The following CRTC1 variants were observed in gnomAD, a reference collection of about 807,000 sequenced individuals.
CRTC1 encodes the protein CREB-regulated transcription coactivator 1.
A neutral mutation model predicts 66.1 loss-of-function variants in CRTC1; 18 were observed. The ratio of observed to expected loss-of-function variants is 0.27; its 90% CI spans 0.19 to 0.40. The LOEUF is 0.40. CRTC1 is among the 10% of genes least tolerant of loss of function. The pLI is 1.00. For synonymous variants in CRTC1, 416 were observed against 398.8 expected, an observed-to-expected ratio of 1.04 and a Z score of -0.51; for missense variants, 669 against 887.9, an observed-to-expected ratio of 0.75 and a Z score of 3.13.
chr19:18,706,391 A>G (rs1337527393), intron 1 of CRTC1, among the ~76,000 whole-genome samples: 1 of 149,704 alleles, frequency 6.7e-6, no homozygotes, highest in East Asian at 1.9e-4. Context: ...TTTTTAGTAG[A>G]GATGGGGTTT....
At chr19:18,684,540 G>A (rs1403723395) in intron 1 of CRTC1, among the ~76,000 whole-genome samples, 1 of 152,108 alleles carries the variant, frequency 6.6e-6, no homozygotes, top group Non-Finnish European at 1.5e-5. Context: ...GGGTCCAGAG[G>A]GGGGCCAAGA....
chr19:18,740,820 A>G (rs1380892738), intron 1 of CRTC1, among the ~76,000 whole-genome samples: 1 of 152,076 alleles, frequency 6.6e-6, no homozygotes, highest in Non-Finnish European at 1.5e-5. Context: ...CCTGAGCAAC[A>G]TGGTGAAAAA....
intron 3 of CRTC1, 48 bp downstream of exon 3, chr19:18,746,008 GC>G (rs1202285031): frequency 6.4e-7 from 1 of 1,562,816 alleles, no homozygotes; most frequent in Admixed American, 1.8e-5. Context: ...CCCTGTCGGT[GC>G]CGGCAGGACC....
At chr19:18,766,842 C>T (rs577189225) in intron 9 of CRTC1, among the ~76,000 whole-genome samples, 1 of 152,322 alleles carries the variant, frequency 6.6e-6, no homozygotes, top group South Asian at 2.1e-4. Context: ...TTTACCTAAT[C>T]AATGCAGCTT....
intron 1 of CRTC1, among the ~76,000 whole-genome samples, chr19:18,717,283 C>T (rs573371585): frequency 1.4e-4 from 22 of 151,942 alleles, no homozygotes; most frequent in Admixed American, 2.0e-4. Context: ...TCCCCTAGCA[C>T]CCTCTCCCAG....
At chr19:18,747,216 A>C in intron 4 of CRTC1, 102 bp downstream of exon 4, 3 of 866,508 alleles carry the variant, frequency 3.5e-6, no homozygotes, top group South Asian at 1.6e-5. Flanking sequence ...TCGCTTAAAC[A>C]ATGACCAAAC....
chr19:18,772,844 CTCG>C lies in CRTC1; in HGVS notation c.1425+1303_1425+1305del, dbSNP rs1222787633. ...CTCGGGCTCTGGCAGCGTGTCTGGT[CTCG>C]TCGTGTGGTACTGTTGGGGATGGGG... is the stretch of plus-strand genomic sequence containing the variant. On this transcript the variant is annotated intron_variant, in intron 11 of 13. Transcript: ENST00000321949. 2.0e-5 allele frequency among the ~76,000 whole-genome samples: 3 copies of C among 152,142 alleles called. No individual in the cohort carries two copies. The South Asian group carries it at 6.2e-4, about 32-fold the overall frequency.
intron 1 of CRTC1, among the ~76,000 whole-genome samples, chr19:18,706,604 A>C (rs576671553): frequency 6.6e-6 from 1 of 152,090 alleles, no homozygotes; most frequent in South Asian, 2.1e-4. Flanking sequence ...TGAGTCTTCC[A>C]ATTTTGTTAT....
At chr19:18,725,207 T>G (rs10414885) in intron 1 of CRTC1, among the ~76,000 whole-genome samples, 1 of 152,138 alleles carries the variant, frequency 6.6e-6, no homozygotes. Context: ...CTCATGGCAA[T>G]GCTGAGGGGG....
intron 3 of CRTC1, among the ~76,000 whole-genome samples, chr19:18,746,653 G>A (rs936278775): frequency 1.3e-5 from 2 of 152,134 alleles, no homozygotes; most frequent in Non-Finnish European, 2.9e-5. Flanking sequence ...CTGGGCCCCA[G>A]ACTGAGCCCT....
chr19:18,777,490 T>C lies in CRTC1; in HGVS notation c.*108T>C. The C allele has an allele frequency of 9.2e-7, 1 of 1,089,808 alleles. No individual in the cohort carries two copies. The allele number at this position is 1,089,808 out of a possible 1,614,324, so 67.5% of individuals were successfully genotyped here. A position where few individuals can be genotyped will look rare whatever the true frequency, so the allele number is the denominator to read the frequency against. On this transcript the variant is annotated 3_prime_UTR_variant, in exon 14 of 14. Transcript: ENST00000321949. The surrounding 1 kb of genome is among the most constrained non-coding windows in gnomAD (Gnocchi z 5.5). ...ACGGCCGAGCTTGTGATTCTGAGCT[T>C]GCAATGCCGCCAAGCGCCCCCCGCC... is the stretch of plus-strand genomic sequence containing the variant.
At chr19:18,761,471 C>T (rs1315277936) in intron 8 of CRTC1, among the ~76,000 whole-genome samples, 4 of 152,324 alleles carry the variant, frequency 2.6e-5, no homozygotes, top group East Asian at 1.9e-4. Flanking sequence ...GAGAATGAAC[C>T]GGCCCCGGCC....
intron 1 of CRTC1, among the ~76,000 whole-genome samples, chr19:18,693,648 C>A (rs60226820): frequency 1.3e-5 from 2 of 150,490 alleles, no homozygotes; most frequent in Admixed American, 6.6e-5. Context: ...TGCCCGGCTA[C>A]TTTTTTTTGT....
chr19:18,746,078 C>T, intron 3 of CRTC1, 118 bp downstream of exon 3: 3 of 1,348,608 alleles, frequency 2.2e-6, no homozygotes, highest in South Asian at 2.9e-5. Context: ...GGGACAGAAT[C>T]AGGGCAGCAC....
chr19:18,704,219 C>T (rs534110211), intron 1 of CRTC1, among the ~76,000 whole-genome samples: 86 of 152,268 alleles, frequency 5.6e-4, no homozygotes, highest in African/African-American at 2.0e-3. Flanking sequence ...CTCAAGCAAT[C>T]TTTCCACCTC....
At chr19:18,754,247 A>G (rs1422350841) in intron 6 of CRTC1, among the ~76,000 whole-genome samples, 1 of 152,218 alleles carries the variant, frequency 6.6e-6, no homozygotes, top group Non-Finnish European at 1.5e-5. Context: ...CAGGCTGTGC[A>G]TGGCTCACGC....
chr19:18,775,679 C>T lies in CRTC1; in HGVS notation c.1551C>T (p.Ser517=). 3 of 1,609,242 alleles carry T rather than the reference C, an allele frequency of 1.9e-6. No homozygotes were observed. Among genetic ancestry groups the T allele is most frequent in the Non-Finnish European group, 2.5e-6 (3 of 1,178,430 alleles). ...ACATGATGGAGAACGCCATCAGCTCCAGCAGCCTGTACAGCCCGGGCTCCA... is the reference window on the plus strand; with the variant it reads ...ACATGATGGAGAACGCCATCAGCTCTAGCAGCCTGTACAGCCCGGGCTCCA... ...QFNMMENAIS[S]SSLYSPGSTL... is the part of the protein sequence containing the mutation. The change falls in exon 13 of 14, where the codon TCC becomes TCT. Residue 517 remains serine (S), a synonymous_variant. Coordinates refer to ENST00000321949, the MANE Select transcript of CRTC1 (RefSeq NM_015321.3).
chr19:18,684,104 C>T (rs894774285), intron 1 of CRTC1, among the ~76,000 whole-genome samples: 3 of 151,936 alleles, frequency 2.0e-5, no homozygotes, highest in Non-Finnish European at 1.5e-5. Context: ...ATCATTACTA[C>T]TAGGAGGGAA....
chr19:18,709,553 A>G (rs2053341912), intron 1 of CRTC1, among the ~76,000 whole-genome samples: 1 of 152,154 alleles, frequency 6.6e-6, no homozygotes, highest in Admixed American at 6.5e-5. Context: ...CAGAGAGGGC[A>G]TCTGAGGGTG....
Sources: gnomAD v4.1 joint callset for allele counts (sites outside exome capture counted in the v4.1 genomes callset) on GRCh38, gnomAD v4.1.1 for gene constraint, Gnocchi (gnomAD v3.1) non-coding constraint, MANE v1.5 for transcripts, NCBI Gene and HGNC (gene_info 2026-07-23, HGNC 2026-07-21) for gene names.